MUC5B: variants seen among roughly 807,000 people sequenced by gnomAD.
MUC5B encodes mucin 5B, oligomeric mucus/gel-forming.
In MUC5B, 116 loss-of-function variants were observed where a neutral mutation model predicts 376.9. That is an observed-to-expected ratio of 0.31 (90% CI 0.26 to 0.36). MUC5B has a LOEUF of 0.36. Among genes scored for constraint, MUC5B ranks in the 10% least tolerant of loss-of-function variants. The pLI is 1.00. For synonymous variants in MUC5B, 3,517 were observed against 3,390.9 expected, an observed-to-expected ratio of 1.04 and a Z score of -1.29; for missense variants, 7,165 against 7,769.9, an observed-to-expected ratio of 0.92 and a Z score of 2.93.
At position 1,228,614 on chromosome 11, in the gene MUC5B, C is replaced by T. The variant is rs367961781; in HGVS notation, c.825C>T (p.His275=). 45 of 1,533,308 alleles carry T rather than the reference C, an allele frequency of 2.9e-5. No homozygotes were observed. In the East Asian group the frequency reaches 6.6e-4, roughly 23 times the overall value. 95.0% of individuals were successfully genotyped at this position (1,533,308 alleles called of 1,614,324 possible). ...TLLGPAFAEC[H]ALVDSTAYLA... ...TGGGGCCGGCCTTTGCGGAGTGCCA[C>T]GCACTGGTGGACAGCACTGCGTACC... Residue 275 remains histidine (H), a synonymous_variant, in exon 8 of 49, where the codon CAC becomes CAT. Coordinates refer to ENST00000529681, the MANE Select transcript of MUC5B (RefSeq NM_002458.3).
Position 1,241,974 on chromosome 11 carries a change from C to T in MUC5B, c.5094C>T (p.Ala1698=), listed in dbSNP as rs751588650. ...VATSTLPTRS[A]LPGTTGSLGT... ...CATCCACCCTTCCAACACGCTCAGC[C>T]CTTCCAGGGACGACGGGGAGCTTGG... Residue 1698 remains alanine (A), a synonymous_variant, in exon 31 of 49, where the codon GCC becomes GCT. Coordinates refer to ENST00000529681, the MANE Select transcript of MUC5B (RefSeq NM_002458.3). 8 of 1,599,734 alleles carry T rather than the reference C, an allele frequency of 5.0e-6. No individual in the cohort carries two copies. The Admixed American group carries it at 1.0e-4, about 21-fold the overall frequency.
chr11:1,244,842 G>A lies in MUC5B; in HGVS notation c.7962G>A (p.Gly2654=), dbSNP rs759389565. ...CGGTGACCCCCTCCTCCATCCCGGG[G>A]ACCACCCACACCCCCACAGTGCTGA... The part of the protein sequence containing the change: ...GSTVTPSSIP[G]TTHTPTVLTT... The change falls in exon 31 of 49, where the codon GGG becomes GGA. Residue 2654 remains glycine, a synonymous_variant. Coordinates refer to ENST00000529681, the MANE Select transcript of MUC5B (RefSeq NM_002458.3). The A allele has an allele frequency of 6.2e-7, 1 of 1,613,300 alleles. No homozygotes were observed. Among genetic ancestry groups the A allele is most frequent in the African/African-American group, 1.3e-5 (1 of 74,738 alleles).
intron 30 of MUC5B, 41 bp from the exon 31 acceptor site, chr11:1,240,810 G>C (rs1469275718): frequency 1.9e-6 from 3 of 1,549,318 alleles, no homozygotes; most frequent in Admixed American, 3.6e-5. Flanking sequence ...GCCAGGACTG[G>C]AGGATGCTGA....
chr11:1,231,583 G>C (rs550674755), intron 14 of MUC5B, 23 bp downstream of exon 14: 1 of 1,552,482 alleles, frequency 6.4e-7, no homozygotes, highest in South Asian at 1.2e-5. Context: ...AGGGGCCTTC[G>C]GGGACAGGGC....
In MUC5B at chr11:1,245,934, A is replaced by G. The variant is rs192659453; in HGVS notation, c.9054A>G (p.Thr3018=). The change falls in exon 31 of 49, where the codon ACA becomes ACG. Residue 3018 remains threonine, a synonymous_variant. Transcript: ENST00000529681. ...CCATCCCGTCCTCCACCCCGGGAAC[A>G]GCTCCCCCTCCCAAAGTGCTGACCA... The part of the protein sequence containing the change: ...STAIPSSTPG[T]APPPKVLTST... The G allele has an allele frequency of 2.6e-4, 424 of 1,607,724 alleles. 3 individuals are homozygous for G. The East Asian group carries it at 9.1e-3, about 34-fold the overall frequency.
At chr11:1,231,180 C>T (rs942830108) in intron 13 of MUC5B, among the ~76,000 whole-genome samples, 175 bp downstream of exon 13, 2 of 152,186 alleles carry the variant, frequency 1.3e-5, no homozygotes, top group Admixed American at 6.5e-5. Context: ...GCTCCCACCC[C>T]GGCAGCGGCA....
At chr11:1,260,253 A>AGGCCATGCCCCTGCCCGGGT in intron 46 of MUC5B, 98 bp from the exon 47 acceptor site, 1 of 1,210,734 alleles carries the variant, frequency 8.3e-7, no homozygotes, top group Non-Finnish European at 1.2e-6. Flanking sequence ...CCTGCCCGGG[A>AGGCCATGCCCCTGCCCGGGT]GGCCATGCCC....
chr11:1,260,234 G>A (rs1183232022), intron 46 of MUC5B, 117 bp from the exon 47 acceptor site: 3 of 1,344,378 alleles, frequency 2.2e-6, no homozygotes, highest in African/African-American at 2.9e-5. Flanking sequence ...CTGCCTGGGA[G>A]GCCCCGCCCC....
Position 1,257,350 on chromosome 11 carries a change from AC to A in MUC5B, c.16269+80del. The A allele has an allele frequency of 1.1e-5, 9 of 827,456 alleles. No individual in the cohort carries two copies. The highest frequency in any genetic ancestry group is 1.1e-4 in the South Asian group (8 of 74,432). 51.3% of individuals were successfully genotyped at this position (827,456 alleles called of 1,614,324 possible). On this transcript the variant is annotated intron_variant, in intron 40 of 48. Coordinates refer to ENST00000529681, the MANE Select transcript of MUC5B (RefSeq NM_002458.3). The surrounding 1 kb of genome is among the most constrained non-coding windows in gnomAD (Gnocchi z 8.9). The stretch of plus-strand genomic sequence containing the variant: ...GGGAGGGAAGGAGCATCCCCATCCC[AC>A]AGGGCAGCTGTGGGGCGCCCGAGTG...
intron 8 of MUC5B, among the ~76,000 whole-genome samples, 179 bp from the exon 9 acceptor site, chr11:1,228,991 G>C (rs2075857): frequency 6.6e-6 from 1 of 151,856 alleles, no homozygotes; most frequent in Non-Finnish European, 1.5e-5. Flanking sequence ...AGCAGGTGGC[G>C]GGGGCTGGGG....
Position 1,246,491 on chromosome 11 carries a change from C to T in MUC5B, c.9611C>T (p.Thr3204Ile), listed in dbSNP as rs764823166. ...CTGACCAGCACGGCCACCACACCCACAGTCATCAGCTCCAGAGCCACTCCC... is the reference window on the plus strand; with the variant it reads ...CTGACCAGCACGGCCACCACACCCATAGTCATCAGCTCCAGAGCCACTCCC... ...KVLTSTATTP[T>I]VISSRATPSS... The change falls in exon 31 of 49, where the codon ACA (threonine) becomes ATA (isoleucine). Residue 3204 changes from threonine (T) to isoleucine (I), a missense_variant. Thr to Ile is a moderately conservative substitution (Grantham distance 89). Transcript: ENST00000529681. 2.5e-6 allele frequency: 4 copies of T among 1,613,366 alleles called. No homozygotes were observed. In the South Asian group the frequency reaches 4.4e-5, roughly 18 times the overall value.
chr11:1,240,188 C>T lies in MUC5B; in HGVS notation c.3783C>T (p.Cys1261=). Residue 1261 remains cysteine (C), a synonymous_variant, in exon 30 of 49, where the codon TGC becomes TGT. Coordinates refer to ENST00000529681, the MANE Select transcript of MUC5B (RefSeq NM_002458.3). ...QCAHSLEACT[C]TYEDRTYSYQ... ...CGGCTCCATCCCCAGCCTGCACCTG[C>T]ACCTATGAGGACAGGACCTACAGCT... is the stretch of plus-strand genomic sequence containing the variant. 6.2e-7 allele frequency: 1 copy of T among 1,600,226 alleles called. No individual in the cohort carries two copies. The highest frequency in any genetic ancestry group is 8.5e-7 in the Non-Finnish European group (1 of 1,169,734).
In MUC5B at chr11:1,257,108, C is replaced by T; in HGVS notation, c.16238-132C>T. 1.4e-6 allele frequency: 1 copy of T among 698,122 alleles called. No homozygotes were observed. Among genetic ancestry groups the T allele is most frequent in the Non-Finnish European group, 2.7e-6 (1 of 374,878 alleles). 43.2% of individuals were successfully genotyped at this position (698,122 alleles called of 1,614,324 possible). A position where few individuals can be genotyped will look rare whatever the true frequency, so the allele number is the denominator to read the frequency against. ...GCCTGAGCTCCAGCCACATCTGACA[C>T]CCCAAAAGTTCTCCAGGGCCTTCCA... is the stretch of plus-strand genomic sequence containing the variant. On this transcript the variant is annotated intron_variant, in intron 39 of 48. Transcript: ENST00000529681. The surrounding 1 kb of genome is among the most constrained non-coding windows in gnomAD (Gnocchi z 8.9).
chr11:1,257,816 T>C lies in MUC5B; in HGVS notation c.16450+106T>C. The C allele has an allele frequency of 7.3e-7, 1 of 1,362,080 alleles. No individual in the cohort carries two copies. Among genetic ancestry groups the C allele is most frequent in the Non-Finnish European group, 9.8e-7 (1 of 1,017,656 alleles). The allele number at this position is 1,362,080 out of a possible 1,614,324, so 84.4% of individuals were successfully genotyped here. ...GCACAGGAGAGCAGAGGAGAGCCACTGTGTCCTGGCGTGACCGCGGCAGGA... is the reference window on the plus strand; with the variant it reads ...GCACAGGAGAGCAGAGGAGAGCCACCGTGTCCTGGCGTGACCGCGGCAGGA... On this transcript the variant is annotated intron_variant, in intron 41 of 48. Transcript: ENST00000529681. The surrounding 1 kb of genome is among the most constrained non-coding windows in gnomAD (Gnocchi z 8.9).
intron 39 of MUC5B, 58 bp downstream of exon 39, chr11:1,256,829 G>A: frequency 4.3e-6 from 6 of 1,395,368 alleles, no homozygotes; most frequent in Non-Finnish European, 5.7e-6. Context: ...GCACACACAG[G>A]GTGGGAGGAG....
Position 1,257,097 on chromosome 11 carries a change from C to A in MUC5B, c.16238-143C>A. Reference sequence around the variant, plus strand: ...ACGGTGCCCTGGCCTGAGCTCCAGCCACATCTGACACCCCAAAAGTTCTCC... The same window carrying A: ...ACGGTGCCCTGGCCTGAGCTCCAGCAACATCTGACACCCCAAAAGTTCTCC... On this transcript the variant is annotated intron_variant, in intron 39 of 48. Transcript: ENST00000529681. The surrounding 1 kb of genome is among the most constrained non-coding windows in gnomAD (Gnocchi z 8.9). 1 of 678,916 alleles carries A rather than the reference C, an allele frequency of 1.5e-6. No individual in the cohort carries two copies. Among genetic ancestry groups the A allele is most frequent in the South Asian group, 1.6e-5 (1 of 60,830 alleles). The allele number at this position is 678,916 out of a possible 1,614,324, so 42.1% of individuals were successfully genotyped here.
chr11:1,249,140 C>G lies in MUC5B; in HGVS notation c.12260C>G (p.Pro4087Arg). Residue 4087 changes from proline to arginine, a missense_variant, in exon 31 of 49, where the codon CCG becomes CGG. Pro to Arg is a moderately radical substitution (Grantham distance 103). Around this residue, in one of 31 missense-constraint regions of MUC5B, gnomAD observed 85 missense variants for 78.2 expected, o/e 1.09. Coordinates refer to ENST00000529681, the MANE Select transcript of MUC5B (RefSeq NM_002458.3). ...CCCCCTTCCCCAGGGACGACCACCC[C>G]GGGCCACACCACGGCCACCTCCAGG... ...ESPPSPGTTT[P>R]GHTTATSRTT... is the part of the protein sequence containing the mutation. 1 of 1,611,268 alleles carries G rather than the reference C, an allele frequency of 6.2e-7. No homozygotes were observed. Among genetic ancestry groups the G allele is most frequent in the Non-Finnish European group, 8.5e-7 (1 of 1,179,500 alleles).
Position 1,242,254 on chromosome 11 carries a change from G to A in MUC5B, c.5374G>A (p.Glu1792Lys), listed in dbSNP as rs1283724460. The change falls in exon 31 of 49, where the codon GAG (glutamate) becomes AAG (lysine). Residue 1792 changes from glutamate to lysine, a missense_variant. Around this residue, in one of 31 missense-constraint regions of MUC5B, gnomAD observed 897 missense variants for 779.6 expected, o/e 1.15. Transcript: ENST00000529681. The part of the protein sequence containing the change: ...TRCQPKCEWT[E>K]WFDVDFPTSG... ...CTGTCAACCGAAGTGTGAGTGGACA[G>A]AGTGGTTTGACGTGGACTTCCCAAC... 9 of 1,613,842 alleles carry A rather than the reference G, an allele frequency of 5.6e-6. No homozygotes were observed. Among genetic ancestry groups the A allele is most frequent in the Non-Finnish European group, 6.8e-6 (8 of 1,179,844 alleles).
rs200106077 is a variant in MUC5B, at chr11:1,247,258, C to T, written c.10378C>T (p.Pro3460Ser). Residue 3460 changes from proline (P) to serine (S), a missense_variant, in exon 31 of 49, where the codon CCC becomes TCC. By Grantham distance (74) the Pro-to-Ser change is moderately conservative. This residue lies in a region of MUC5B where 939 missense variants were observed against 770.6 expected (regional missense o/e 1.22). Coordinates refer to ENST00000529681, the MANE Select transcript of MUC5B (RefSeq NM_002458.3). The stretch of plus-strand genomic sequence containing the variant: ...GGCCACCACACACGGGCGGTCCCTG[C>T]CCCCCAGCAGTCCCCACACGGTGCG... ...TTATTHGRSL[P>S]PSSPHTVRTA... 456 of 1,611,434 alleles carry T rather than the reference C, an allele frequency of 2.8e-4. No homozygotes were observed. In the East Asian group the frequency reaches 6.0e-3, roughly 21 times the overall value.
Sources: gnomAD v4.1 joint callset for allele counts (sites outside exome capture counted in the v4.1 genomes callset) on GRCh38, gnomAD v4.1.1 for gene constraint, gnomAD v4.1.1 regional missense constraint, Gnocchi (gnomAD v3.1) non-coding constraint, MANE v1.5 for transcripts, NCBI Gene and HGNC (gene_info 2026-07-23, HGNC 2026-07-21) for gene names.